Variants in WWOX observed in about 807,000 individuals in gnomAD.
The protein encoded by WWOX is WW domain-containing oxidoreductase.
A neutral mutation model predicts 46.2 loss-of-function variants in WWOX; 69 were observed. The observed-to-expected ratio is 1.49, with a 90% CI of 1.23 to 1.82. The LOEUF (loss-of-function observed/expected upper bound fraction) is 1.82. Ranked by LOEUF, WWOX falls within the 40% of genes most tolerant of loss-of-function variation. The pLI, the probability that WWOX is intolerant of heterozygous loss-of-function variation, is 0.00. For synonymous variants in WWOX, 359 were observed against 202.6 expected (o/e 1.77, Z -6.56); for missense variants, 919 against 542.6 (o/e 1.69, Z -6.89).
intron 5 of WWOX, among the ~76,000 whole-genome samples, chr16:78,314,419 A>G (rs1158118367): frequency 2.6e-5 from 4 of 151,104 alleles, no homozygotes; most frequent in African/African-American, 9.7e-5. Context: ...AAAAAAAAAA[A>G]AAAAGTACAG....
At chr16:78,759,302 A>T (rs1485716118) in intron 8 of WWOX, among the ~76,000 whole-genome samples, 2 of 152,206 alleles carry the variant, frequency 1.3e-5, no homozygotes, top group Non-Finnish European at 2.9e-5. Context: ...CTTGGTGAGA[A>T]ATGAATTCGT....
chr16:78,869,251 A>T (rs1375065768), intron 8 of WWOX, among the ~76,000 whole-genome samples: 2 of 152,078 alleles, frequency 1.3e-5, no homozygotes, highest in Non-Finnish European at 2.9e-5. Context: ...CTATCCTGTC[A>T]CCCTGCTGGA....
At chr16:79,026,941 A>C (rs1442215660) in intron 8 of WWOX, among the ~76,000 whole-genome samples, 1 of 151,118 alleles carries the variant, frequency 6.6e-6, no homozygotes, top group East Asian at 2.0e-4. Flanking sequence ...CACGTGGTAG[A>C]CTCTTAATGA....
intron 5 of WWOX, among the ~76,000 whole-genome samples, chr16:78,369,550 A>G (rs972464801): frequency 4.6e-5 from 7 of 152,194 alleles, no homozygotes; most frequent in Non-Finnish European, 8.8e-5. Flanking sequence ...CTGGCCACAC[A>G]AGTGCACCTG....
At position 78,809,260 on chromosome 16, in the gene WWOX, T is replaced by G. The variant is rs150926980; in HGVS notation, c.1056+376508T>G. 2.4e-3 allele frequency among the ~76,000 whole-genome samples: 353 copies of G among 148,044 alleles called. 1 individual carries two copies. Among genetic ancestry groups the G allele is most frequent in the African/African-American group, 8.4e-3 (335 of 40,114 alleles). ...GTCTGAGCAGAATGTTTTTAGAAGT[T>G]AGATTTTTTTAGGGGGGAAACAGGA... is the stretch of plus-strand genomic sequence containing the variant. On this transcript the variant is annotated intron_variant, in intron 8 of 8. Coordinates refer to ENST00000566780, the MANE Select transcript of WWOX (RefSeq NM_016373.4).
At chr16:78,849,899 C>G (rs1033329674) in intron 8 of WWOX, among the ~76,000 whole-genome samples, 2 of 151,978 alleles carry the variant, frequency 1.3e-5, no homozygotes, top group Non-Finnish European at 2.9e-5. Flanking sequence ...ATGCAGAAAC[C>G]CTGTCTCTAC....
intron 8 of WWOX, among the ~76,000 whole-genome samples, chr16:78,812,871 C>T (rs1036016979): frequency 6.6e-6 from 1 of 152,188 alleles, no homozygotes; most frequent in African/African-American, 2.4e-5. Flanking sequence ...TATTTTCTAT[C>T]ATTTCACATC....
intron 5 of WWOX, among the ~76,000 whole-genome samples, chr16:78,216,940 C>T (rs2036741036): frequency 6.6e-6 from 1 of 152,178 alleles, no homozygotes; most frequent in South Asian, 2.1e-4. Flanking sequence ...CGAGGCTGGT[C>T]TCAAACTCCT....
At chr16:79,039,863 G>A (rs764936089) in intron 8 of WWOX, among the ~76,000 whole-genome samples, 4 of 152,176 alleles carry the variant, frequency 2.6e-5, no homozygotes, top group Non-Finnish European at 4.4e-5. Flanking sequence ...GTCAGGAGTT[G>A]CTTCTTCCAG....
intron 8 of WWOX, among the ~76,000 whole-genome samples, chr16:78,785,545 A>G (rs953823805): frequency 6.6e-6 from 1 of 152,132 alleles, no homozygotes; most frequent in Admixed American, 6.5e-5. Flanking sequence ...TGGGTAGCAT[A>G]TAATTTACAA....
chr16:78,369,974 A>T (rs67721363), intron 5 of WWOX, among the ~76,000 whole-genome samples: 2 of 151,486 alleles, frequency 1.3e-5, no homozygotes, highest in Non-Finnish European at 2.9e-5. Context: ...CTCTACTAAA[A>T]CTACAAAAAT....
intron 8 of WWOX, among the ~76,000 whole-genome samples, chr16:79,199,883 T>C (rs144893847): frequency 0.011 from 1,652 of 152,278 alleles, 17 homozygotes; most frequent in Middle Eastern, 0.051. Context: ...CTAACAGGTA[T>C]GGCAGCCAGA....
chr16:78,865,759 A>C (rs112246489), intron 8 of WWOX, among the ~76,000 whole-genome samples: 6,072 of 152,238 alleles, frequency 0.04, 385 homozygotes, highest in African/African-American at 0.14. Flanking sequence ...AAGTGCCTGT[A>C]ATCCCAGCTA....
At chr16:78,778,405 C>T (rs1467129983) in intron 8 of WWOX, among the ~76,000 whole-genome samples, 2 of 152,168 alleles carry the variant, frequency 1.3e-5, no homozygotes, top group African/African-American at 4.8e-5. Context: ...AATAAATATG[C>T]CGGTATTGAC....
At chr16:78,177,220 T>C (rs2035379598) in intron 5 of WWOX, among the ~76,000 whole-genome samples, 2 of 152,240 alleles carry the variant, frequency 1.3e-5, no homozygotes, top group Non-Finnish European at 2.9e-5. Flanking sequence ...CAACCCAGTT[T>C]ACCAAGTAGC....
chr16:78,716,250 G>T lies in WWOX; in HGVS notation c.1056+283498G>T, dbSNP rs146418306. Among the ~76,000 whole-genome samples, 894 of 152,166 alleles carry T rather than the reference G, an allele frequency of 5.9e-3. 3 individuals are homozygous for T. Among genetic ancestry groups the T allele is most frequent in the African/African-American group, 0.021 (857 of 41,526 alleles). ...AGATTGAAATTGTGCTATCATGAACGGGGGAATGTCTGGGACTGCCAGAAG... is the reference window on the plus strand; with the variant it reads ...AGATTGAAATTGTGCTATCATGAACTGGGGAATGTCTGGGACTGCCAGAAG... On this transcript the variant is annotated intron_variant, in intron 8 of 8. Transcript: ENST00000566780.
At chr16:79,004,057 C>G (rs1302437419) in intron 8 of WWOX, 2 of 152,106 alleles carry the variant, frequency 1.3e-5, no homozygotes, top group Non-Finnish European at 2.9e-5. Flanking sequence ...CATGCCTTCC[C>G]AGTCTCTGGT....
chr16:78,288,031 T>A (rs1467059711), intron 5 of WWOX, among the ~76,000 whole-genome samples: 1 of 152,180 alleles, frequency 6.6e-6, no homozygotes, highest in Non-Finnish European at 1.5e-5. Context: ...TCCCTAACAT[T>A]TTTTTCTTTA....
chr16:78,689,995 G>A (rs754815161), intron 8 of WWOX, among the ~76,000 whole-genome samples: 1 of 151,904 alleles, frequency 6.6e-6, no homozygotes, highest in Admixed American at 6.6e-5. Context: ...TGAGTAGCTG[G>A]GATTACAGGT....
Sources: gnomAD v4.1 joint callset for allele counts (sites outside exome capture counted in the v4.1 genomes callset) on GRCh38, gnomAD v4.1.1 for gene constraint, MANE v1.5 for transcripts, NCBI Gene and HGNC (gene_info 2026-07-23, HGNC 2026-07-21) for gene names.